Variants in MALRD1 observed in about 807,000 individuals in gnomAD.
The protein encoded by MALRD1 is MAM and LDL receptor class A domain containing 1, also known as MAM and LDL-receptor class A domain-containing protein 1.
A neutral mutation model predicts 242.1 loss-of-function variants in MALRD1; 247 were observed. The observed-to-expected ratio is 1.02, with a 90% CI of 0.92 to 1.13. MALRD1 has a LOEUF of 1.13. Among genes scored for constraint, MALRD1 ranks in the 50% most tolerant of loss-of-function variants. The probability of loss-of-function intolerance (pLI) is 0.00; values close to 1 mark genes in which losing one functional copy is unlikely to be tolerated. For missense variants in MALRD1, 2,989 were observed against 2,533.1 expected (o/e 1.18, Z -3.86); for synonymous variants, 995 against 866.6 (o/e 1.15, Z -2.60).
At chr10:19,417,819 G>GA (rs1833567303) in intron 28 of MALRD1, among the ~76,000 whole-genome samples, 1 of 152,080 alleles carries the variant, frequency 6.6e-6, no homozygotes, top group African/African-American at 2.4e-5. Context: ...AATTCTCAGT[G>GA]AGCTGAATGC....
At chr10:19,371,125 TG>T (rs1845356965) in intron 26 of MALRD1, among the ~76,000 whole-genome samples, 1 of 147,704 alleles carries the variant, frequency 6.8e-6, no homozygotes, top group African/African-American at 2.5e-5. Context: ...AAGCCAGGTG[TG>T]GTGGCATGCA....
At chr10:19,476,453 G>T (rs550180654) in intron 29 of MALRD1, among the ~76,000 whole-genome samples, 3 of 151,914 alleles carry the variant, frequency 2.0e-5, no homozygotes, top group Non-Finnish European at 4.4e-5. Context: ...AAGAAGACAT[G>T]CCCACTGAGA....
chr10:19,437,693 T>G (rs1834407784), intron 28 of MALRD1, among the ~76,000 whole-genome samples: 1 of 152,120 alleles, frequency 6.6e-6, no homozygotes, highest in South Asian at 2.1e-4. Flanking sequence ...TAATGTTATA[T>G]ACTAATGCTA....
intron 19 of MALRD1, among the ~76,000 whole-genome samples, chr10:19,262,283 ATAGT>A (rs1373635102): frequency 1.7e-4 from 26 of 152,276 alleles, no homozygotes; most frequent in South Asian, 8.3e-4. Flanking sequence ...ATATTATGAA[ATAGT>A]TAGCACAATC....
At chr10:19,411,315 A>G (rs1451565830) in intron 28 of MALRD1, among the ~76,000 whole-genome samples, 2 of 152,194 alleles carry the variant, frequency 1.3e-5, no homozygotes, top group Admixed American at 6.5e-5. Context: ...TCCAAAAACT[A>G]CCACTAGCAG....
chr10:19,326,577 AATG>A (rs1564565077), intron 22 of MALRD1, among the ~76,000 whole-genome samples: 1 of 152,014 alleles, frequency 6.6e-6, no homozygotes, highest in Non-Finnish European at 1.5e-5. Flanking sequence ...ATTGGTTAGA[AATG>A]ATGTTTTCTT....
At chr10:19,497,147 A>G (rs925650029) in intron 30 of MALRD1, among the ~76,000 whole-genome samples, 3 of 152,174 alleles carry the variant, frequency 2.0e-5, no homozygotes, top group Non-Finnish European at 2.9e-5. Flanking sequence ...ATAGAAAACT[A>G]GTAAAGAATG....
intron 36 of MALRD1, among the ~76,000 whole-genome samples, chr10:19,617,218 G>GA: frequency 6.6e-6 from 1 of 152,012 alleles, no homozygotes; most frequent in Non-Finnish European, 1.5e-5. Context: ...AAATAAACTT[G>GA]AAAAATTAAA....
intron 26 of MALRD1, among the ~76,000 whole-genome samples, chr10:19,356,527 A>C: frequency 6.6e-6 from 1 of 152,180 alleles, no homozygotes; most frequent in Admixed American, 6.6e-5. Flanking sequence ...AGCTTAACAC[A>C]AAATCAGTAT....
intron 36 of MALRD1, among the ~76,000 whole-genome samples, chr10:19,643,642 G>A (rs1031817388): frequency 1.3e-5 from 2 of 152,120 alleles, no homozygotes; most frequent in Non-Finnish European, 2.9e-5. Flanking sequence ...AATAACAGAT[G>A]AAATTAAAGT....
chr10:19,234,353 C>A (rs1287491389), intron 18 of MALRD1, among the ~76,000 whole-genome samples: 1 of 151,734 alleles, frequency 6.6e-6, no homozygotes, highest in African/African-American at 2.4e-5. Context: ...GACATGAATT[C>A]TAATTATTTT....
intron 19 of MALRD1, among the ~76,000 whole-genome samples, chr10:19,261,643 T>C (rs1278745197): frequency 6.6e-6 from 1 of 151,974 alleles, no homozygotes; most frequent in Admixed American, 6.6e-5. Flanking sequence ...AAACTCAAAG[T>C]CACATACACA....
intron 36 of MALRD1, among the ~76,000 whole-genome samples, chr10:19,633,392 A>G (rs1839993454): frequency 1.3e-5 from 2 of 152,218 alleles, no homozygotes; most frequent in Non-Finnish European, 2.9e-5. Flanking sequence ...AAAAGCTCGT[A>G]GGAACGTTTG....
chr10:19,116,427 G>C (rs1836871767), intron 5 of MALRD1, among the ~76,000 whole-genome samples: 1 of 152,052 alleles, frequency 6.6e-6, no homozygotes, highest in African/African-American at 2.4e-5. Context: ...TTTTATTTTA[G>C]TAGCTTCCAG....
intron 23 of MALRD1, among the ~76,000 whole-genome samples, chr10:19,330,531 A>G (rs1027847703): frequency 6.6e-6 from 1 of 152,188 alleles, no homozygotes; most frequent in African/African-American, 2.4e-5. Context: ...TTATGTTAAC[A>G]TATACATACT....
chr10:19,148,789 ATATATATAT>A (rs969121351), intron 11 of MALRD1, among the ~76,000 whole-genome samples: 4 of 41,808 alleles, frequency 9.6e-5, no homozygotes, highest in Non-Finnish European at 2.3e-4. Context: ...AAAAAAAAAA[ATATATATAT>A]ATATATATAT....
chr10:19,371,315 T>C (rs1588978842), intron 26 of MALRD1, among the ~76,000 whole-genome samples: 1 of 152,214 alleles, frequency 6.6e-6, no homozygotes, highest in East Asian at 1.9e-4. Context: ...GAAAGCCACC[T>C]TTCTCCATGG....
chr10:19,549,153 G>A (rs1490818799), intron 32 of MALRD1, among the ~76,000 whole-genome samples: 1 of 152,190 alleles, frequency 6.6e-6, no homozygotes, highest in African/African-American at 2.4e-5. Context: ...TGAGAGAGGT[G>A]AGGAAGCTGT....
At chr10:19,278,708 C>A (rs191898226) in intron 19 of MALRD1, among the ~76,000 whole-genome samples, 22 of 152,104 alleles carry the variant, frequency 1.4e-4, no homozygotes, top group Admixed American at 1.1e-3. Context: ...TATTTAATGG[C>A]AGAGATGGCA....
Sources: allele counts gnomAD v4.1 joint callset (sites outside exome capture counted in the v4.1 genomes callset), GRCh38; gene constraint gnomAD v4.1.1; transcripts MANE v1.5; gene names NCBI Gene and HGNC (gene_info 2026-07-23, HGNC 2026-07-21).